The following ARHGAP35 variants were observed in gnomAD, a reference collection of about 807,000 sequenced individuals.
The protein encoded by ARHGAP35 is rho GTPase-activating protein 35.
In ARHGAP35, 15 loss-of-function variants were observed where a neutral mutation model predicts 111.1. The observed-to-expected ratio is 0.13, with a 90% CI of 0.09 to 0.21. The LOEUF (loss-of-function observed/expected upper bound fraction) is 0.21, where lower values mean the gene tolerates loss of function less well. Ranked by LOEUF, ARHGAP35 falls within the 10% of genes least tolerant of loss-of-function variation. The probability of loss-of-function intolerance (pLI) is 1.00; values close to 1 mark genes in which losing one functional copy is unlikely to be tolerated. For synonymous variants in ARHGAP35, 643 were observed against 710.3 expected (o/e 0.91, Z 1.51); for missense variants, 1,262 against 1,873.0 (o/e 0.67, Z 6.02).
At chr19:46,884,692 G>A (rs1212525273) in intron 1 of ARHGAP35, among the ~76,000 whole-genome samples, 2 of 151,384 alleles carry the variant, frequency 1.3e-5, no homozygotes, top group Non-Finnish European at 2.9e-5. Context: ...TTGCCATGTT[G>A]CCCCAGCTGG....
intron 3 of ARHGAP35, among the ~76,000 whole-genome samples, chr19:46,970,595 G>A (rs2122291740): frequency 6.6e-6 from 1 of 152,298 alleles, no homozygotes; most frequent in South Asian, 2.1e-4. Flanking sequence ...AGAGTGAGGG[G>A]CGTCTCCTCC....
At chr19:46,892,910 T>G (rs1361048787) in intron 1 of ARHGAP35, among the ~76,000 whole-genome samples, 1 of 152,076 alleles carries the variant, frequency 6.6e-6, no homozygotes, top group Non-Finnish European at 1.5e-5. Flanking sequence ...CTCCCAACAT[T>G]TGTAAGTCCA....
At position 47,001,632 on chromosome 19, in the gene ARHGAP35, T is replaced by C. The variant is rs954285121; in HGVS notation, c.*944T>C. On this transcript the variant is annotated 3_prime_UTR_variant, in exon 7 of 7. Coordinates refer to ENST00000672722, the MANE Select transcript of ARHGAP35 (RefSeq NM_004491.5). This position sits in a 1 kb window ranked among gnomAD's most constrained non-coding sequence, Gnocchi z 5.4. ...TTCCCAAGAAGAGGGTTCGAGCCCTTGGTGGGGACAGCTGGGGAGATGGCA... is the reference window on the plus strand; with the variant it reads ...TTCCCAAGAAGAGGGTTCGAGCCCTCGGTGGGGACAGCTGGGGAGATGGCA... 2.5e-5 allele frequency: 9 copies of C among 361,924 alleles called. No individual in the cohort carries two copies. Among genetic ancestry groups the C allele is most frequent in the Non-Finnish European group, 4.8e-5 (9 of 186,844 alleles). 22.4% of individuals were successfully genotyped at this position (361,924 alleles called of 1,614,324 possible).
rs868376333 is a variant in ARHGAP35, at chr19:46,909,585, C to G, written c.-188-8903C>G. Among the ~76,000 whole-genome samples, 124 of 152,244 alleles carry G rather than the reference C, an allele frequency of 8.1e-4. 1 individual carries two copies. The highest frequency in any genetic ancestry group is 2.7e-3 in the African/African-American group (112 of 41,526). ...TTCAGAGACTGCCTGTACCCAGAGC[C>G]CTAGGGACATAGTGAGATTCCATGG... On this transcript the variant is annotated intron_variant, in intron 1 of 6. Coordinates refer to ENST00000672722, the MANE Select transcript of ARHGAP35 (RefSeq NM_004491.5).
Position 46,986,954 on chromosome 19 carries a change from G to T in ARHGAP35, c.3827-1035G>T, listed in dbSNP as rs1013081135. Among the ~76,000 whole-genome samples, 5 of 151,294 alleles carry T rather than the reference G, an allele frequency of 3.3e-5. No individual in the cohort carries two copies. Among genetic ancestry groups the T allele is most frequent in the African/African-American group, 9.7e-5 (4 of 41,134 alleles). ...AGCAATTCTTCTGCCTCAGCCTCCC[G>T]AGTAGCTGGGATTATAGGCATGTGC... On this transcript the variant is annotated intron_variant, in intron 3 of 6. Transcript: ENST00000672722. The surrounding 1 kb of genome is among the most constrained non-coding windows in gnomAD (Gnocchi z 4.3).
chr19:46,933,137 CTTTT>C (rs1174653724), intron 2 of ARHGAP35, among the ~76,000 whole-genome samples: 5 of 99,544 alleles, frequency 5.0e-5, no homozygotes, highest in Non-Finnish European at 7.6e-5. Flanking sequence ...AGTGTGCCTT[CTTTT>C]TTTTTTTTTT....
intron 1 of ARHGAP35, among the ~76,000 whole-genome samples, chr19:46,872,246 A>G (rs2122121748): frequency 6.6e-6 from 1 of 152,310 alleles, no homozygotes; most frequent in Admixed American, 6.5e-5. Context: ...AGAACTATAA[A>G]CAGCATGAGT....
intron 1 of ARHGAP35, among the ~76,000 whole-genome samples, chr19:46,877,257 A>T (rs1397902073): frequency 6.9e-6 from 1 of 144,708 alleles, no homozygotes. Flanking sequence ...TCAAAAAAAA[A>T]AAAAAAAAAA....
At chr19:46,982,783 A>C (rs1599864377) in intron 3 of ARHGAP35, among the ~76,000 whole-genome samples, 1 of 151,834 alleles carries the variant, frequency 6.6e-6, no homozygotes, top group African/African-American at 2.4e-5. Flanking sequence ...AATGGCCCAC[A>C]CCCAGAATCC....
Position 46,989,628 on chromosome 19 carries a change from AC to A in ARHGAP35, c.3994del (p.Leu1332TrpfsTer30), listed in dbSNP as rs1345394918. The A allele has an allele frequency of 6.2e-7, 1 of 1,613,718 alleles. No individual in the cohort carries two copies. The highest frequency in any genetic ancestry group is 1.7e-5 in the Admixed American group (1 of 59,980). On this transcript the variant is annotated frameshift_variant, in exon 5 of 7. Coordinates refer to ENST00000672722, the MANE Select transcript of ARHGAP35 (RefSeq NM_004491.5). LOFTEE classifies it high-confidence loss of function. The surrounding 1 kb of genome is among the most constrained non-coding windows in gnomAD (Gnocchi z 5.3). ...AAGAGCTTTTTCTCAGAACTGCCTGACCCCCTGGTCCCGTATAACATGCAGA... is the reference window on the plus strand; with the variant it reads ...AAGAGCTTTTTCTCAGAACTGCCTGACCCCTGGTCCCGTATAACATGCAGA... Reference protein sequence around the residue: ...AMKSFFSELPDPLVPYNMQID... With the variant: ...AMKSFFSELPXPLVPYNMQID...
At chr19:46,983,757 G>T (rs2056633913) in intron 3 of ARHGAP35, among the ~76,000 whole-genome samples, 1 of 151,864 alleles carries the variant, frequency 6.6e-6, no homozygotes. Context: ...GGGACTACAG[G>T]CACCCGCCAC....
At chr19:46,869,867 C>G (rs757181668) in intron 1 of ARHGAP35, among the ~76,000 whole-genome samples, 1 of 151,540 alleles carries the variant, frequency 6.6e-6, no homozygotes, top group Non-Finnish European at 1.5e-5. Flanking sequence ...TCAGAAATGC[C>G]TGTTAACGTT....
intron 3 of ARHGAP35, among the ~76,000 whole-genome samples, chr19:46,940,032 C>T (rs572688974): frequency 6.6e-6 from 1 of 151,506 alleles, no homozygotes; most frequent in African/African-American, 2.4e-5. Flanking sequence ...GTCAAGAGAT[C>T]GAGACCATCC....
At chr19:46,979,876 G>A (rs1295186199) in intron 3 of ARHGAP35, among the ~76,000 whole-genome samples, 1 of 152,120 alleles carries the variant, frequency 6.6e-6, no homozygotes, top group Admixed American at 6.5e-5. Flanking sequence ...CGAAGGGGCA[G>A]GGGAGGGACA....
Position 46,888,218 on chromosome 19 carries a change from C to T in ARHGAP35, c.-189+27009C>T, listed in dbSNP as rs577492374. ...CCGCCCACCTCGGCCTCCCAAAGTG[C>T]TGGGGTTACAGGCGTAAGCCACCGC... is the stretch of plus-strand genomic sequence containing the variant. On this transcript the variant is annotated intron_variant, in intron 1 of 6. Coordinates refer to ENST00000672722, the MANE Select transcript of ARHGAP35 (RefSeq NM_004491.5). Among the ~76,000 whole-genome samples the T allele has an allele frequency of 5.2e-5, 7 of 133,508 alleles. No individual in the cohort carries two copies. In the East Asian group the frequency reaches 1.3e-3, roughly 25 times the overall value. 87.6% of individuals were successfully genotyped at this position (133,508 alleles called of 152,430 possible).
intron 3 of ARHGAP35, among the ~76,000 whole-genome samples, chr19:46,976,210 C>CTTTTTT (rs772367746): frequency 2.5e-5 from 3 of 118,730 alleles, no homozygotes; most frequent in African/African-American, 3.3e-5. Context: ...AAGCTTTCTC[C>CTTTTTT]TTTTTTTTTT....
chr19:46,961,226 T>C (rs1047988801), intron 3 of ARHGAP35, among the ~76,000 whole-genome samples: 8 of 152,216 alleles, frequency 5.3e-5, no homozygotes, highest in Non-Finnish European at 1.2e-4. Context: ...ATCAGTCTCC[T>C]GTTAAAAGAC....
intron 3 of ARHGAP35, among the ~76,000 whole-genome samples, chr19:46,941,840 A>T (rs575706705): frequency 2.8e-4 from 40 of 141,494 alleles, no homozygotes; most frequent in African/African-American, 1.0e-3. Context: ...GATTATAAGC[A>T]TGTGCCACTG....
In ARHGAP35 at chr19:46,901,116, T is replaced by G. The variant is rs775203198; in HGVS notation, c.-188-17372T>G. ...GCCTGGCACAGTAGTAGGTGCTTGC[T>G]CAGTAATTTTCATTGAATGATTGAA... On this transcript the variant is annotated intron_variant, in intron 1 of 6. Transcript: ENST00000672722. This position sits in a 1 kb window ranked among gnomAD's most constrained non-coding sequence, Gnocchi z 4.5. Among the ~76,000 whole-genome samples, 2 of 152,216 alleles carry G rather than the reference T, an allele frequency of 1.3e-5. No homozygotes were observed. The highest frequency in any genetic ancestry group is 2.9e-5 in the Non-Finnish European group (2 of 68,046).
Sources: gnomAD v4.1 joint callset for allele counts (sites outside exome capture counted in the v4.1 genomes callset) on GRCh38, gnomAD v4.1.1 for gene constraint, Gnocchi (gnomAD v3.1) non-coding constraint, MANE v1.5 for transcripts, NCBI Gene and HGNC (gene_info 2026-07-23, HGNC 2026-07-21) for gene names.